The following SUPT6H variants were observed in gnomAD, a reference collection of about 807,000 sequenced individuals.
SUPT6H encodes transcription elongation factor SPT6.
Under a neutral mutation model 222.3 loss-of-function variants are expected in SUPT6H, and 11 were observed. That is an observed-to-expected ratio of 0.05 (90% CI 0.03 to 0.08). The LOEUF is 0.08. Ranked by LOEUF, SUPT6H falls within the 10% of genes least tolerant of loss-of-function variation. SUPT6H has a pLI of 1.00. For missense variants in SUPT6H, 1,422 were observed against 2,216.0 expected (o/e 0.64, Z 7.19); for synonymous variants, 762 against 801.2 (o/e 0.95, Z 0.83).
In SUPT6H at chr17:28,688,231, G is replaced by A. The variant is rs1287341651; in HGVS notation, c.3134+13G>A. Reference sequence around the variant, plus strand: ...CCCTGGGGGACAGGTGATGCCCTCTGCCTGGATGGGGCAGGAGGAATTCCC... The same window carrying A: ...CCCTGGGGGACAGGTGATGCCCTCTACCTGGATGGGGCAGGAGGAATTCCC... On this transcript the variant is annotated intron_variant, in intron 24 of 36. Coordinates refer to ENST00000314616, the MANE Select transcript of SUPT6H (RefSeq NM_003170.5). The surrounding 1 kb of genome is among the most constrained non-coding windows in gnomAD (Gnocchi z 4.3). The A allele has an allele frequency of 1.9e-6, 3 of 1,611,574 alleles. No homozygotes were observed. The highest frequency in any genetic ancestry group is 2.5e-6 in the Non-Finnish European group (3 of 1,178,930).
At chr17:28,687,602 G>C in intron 23 of SUPT6H, 131 bp downstream of exon 23, 1 of 1,063,534 alleles carries the variant, frequency 9.4e-7, no homozygotes, top group Non-Finnish European at 1.3e-6. Context: ...CTCAGCTAGT[G>C]AGAGTCAAAA....
intron 31 of SUPT6H, 68 bp from the exon 32 acceptor site, chr17:28,697,836 CAT>C (rs2031989297): frequency 2.5e-6 from 4 of 1,606,586 alleles, no homozygotes; most frequent in South Asian, 2.2e-5. Flanking sequence ...AAGTGTACAT[CAT>C]GTGTGCACCA....
At chr17:28,690,863 A>G (rs1170208454) in intron 26 of SUPT6H, 58 bp from the exon 27 acceptor site, 2 of 1,572,078 alleles carry the variant, frequency 1.3e-6, no homozygotes, top group East Asian at 4.5e-5. Context: ...AGGCTGGTGG[A>G]AAGAAGTGCT....
At chr17:28,697,118 C>G (rs916539184) in intron 30 of SUPT6H, 36 bp downstream of exon 30, 6 of 1,590,980 alleles carry the variant, frequency 3.8e-6, no homozygotes, top group Non-Finnish European at 5.2e-6. Flanking sequence ...CCATCCCACT[C>G]CTGCTTCCAG....
intron 35 of SUPT6H, 22 bp from the exon 36 acceptor site, chr17:28,700,919 T>G: frequency 3.1e-6 from 5 of 1,597,036 alleles, no homozygotes; most frequent in Non-Finnish European, 4.3e-6. Flanking sequence ...CCATCCCTAT[T>G]TAACTGTTCA....
chr17:28,682,028 G>C (rs2031137679), intron 13 of SUPT6H, 48 bp downstream of exon 13: 1 of 1,497,998 alleles, frequency 6.7e-7, no homozygotes, highest in African/African-American at 1.4e-5. Context: ...CTGAGCAAGG[G>C]GAGTTACCCA....
rs2030606013 is a variant in SUPT6H at position 28,674,310 on chromosome 17, A to G, written c.137A>G (p.Asp46Gly). ...GAGGAGGAGGAGGAGGAGAACCTAG[A>G]TGATCAGGATGAGCAAGGCAACTTG... ...DDEEEEEENL[D>G]DQDEQGNLKG... The change falls in exon 3 of 37, where the codon GAT becomes GGT. Residue 46 changes from aspartate (D) to glycine (G), a missense_variant. Physicochemically the swap from Asp to Gly is moderately conservative, Grantham distance 94. Transcript: ENST00000314616. 6 of 1,614,140 alleles carry G rather than the reference A, an allele frequency of 3.7e-6. No individual in the cohort carries two copies. The highest frequency in any genetic ancestry group is 4.2e-6 in the Non-Finnish European group (5 of 1,179,992).
chr17:28,682,731 C>T lies in SUPT6H; in HGVS notation c.1602C>T (p.Gly534=), dbSNP rs12051648. 0.53 allele frequency: 859,778 copies of T among 1,613,806 alleles called. 237,535 individuals are homozygous for T. The highest frequency in any genetic ancestry group is 0.57 in the Non-Finnish European group (668,138 of 1,179,840). ...YTICQSAGLD[G]LAKKFGLTPE... is the part of the protein sequence containing the mutation. ...TCACTCTTCTGTTTGCTTTAGATGGCCTGGCCAAAAAGTTTGGGCTTACTC... is the reference window on the plus strand; with the variant it reads ...TCACTCTTCTGTTTGCTTTAGATGGTCTGGCCAAAAAGTTTGGGCTTACTC... The change falls in exon 14 of 37, where the codon GGC becomes GGT. Residue 534 remains glycine, a synonymous_variant. Coordinates refer to ENST00000314616, the MANE Select transcript of SUPT6H (RefSeq NM_003170.5).
chr17:28,695,686 T>C lies in SUPT6H; in HGVS notation c.3970+139T>C, dbSNP rs184760944. 581 of 1,022,932 alleles carry C rather than the reference T, an allele frequency of 5.7e-4. 3 individuals are homozygous for C. In the African/African-American group the frequency reaches 8.6e-3, roughly 15 times the overall value. The allele number at this position is 1,022,932 out of a possible 1,614,324, so 63.4% of individuals were successfully genotyped here. ...GCTTTGAGGTGCTAAGGCCTGGAGA[T>C]GTCATGAAAAAGTCATAGGTAGGGC... On this transcript the variant is annotated intron_variant, in intron 29 of 36. Transcript: ENST00000314616.
chr17:28,678,489 G>A (rs904974347), intron 9 of SUPT6H, 56 bp from the exon 10 acceptor site: 3 of 1,532,990 alleles, frequency 2.0e-6, no homozygotes, highest in Non-Finnish European at 2.7e-6. Context: ...TACTGACAGA[G>A]GGGATCTTAG....
rs762555073 is a variant in SUPT6H at position 28,682,954 on chromosome 17, T to G, written c.1740T>G (p.Thr580=). 1 of 1,612,300 alleles carries G rather than the reference T, an allele frequency of 6.2e-7. No individual in the cohort carries two copies. The highest frequency in any genetic ancestry group is 8.5e-7 in the Non-Finnish European group (1 of 1,179,030). The change falls in exon 15 of 37, where the codon ACT becomes ACG. Residue 580 remains threonine (T), a synonymous_variant. Coordinates refer to ENST00000314616, the MANE Select transcript of SUPT6H (RefSeq NM_003170.5). ...ATTTTCCCCACAGCCAGTTCCCTAC[T>G]CCAGAAGCTGTGCTAGAAGGCGCCC... ...AKDYVCSQFP[T]PEAVLEGARY...
At position 28,702,364 on chromosome 17, in the gene SUPT6H, G is replaced by A. The variant is rs1189167970; in HGVS notation, c.*739G>A. On this transcript the variant is annotated 3_prime_UTR_variant, in exon 37 of 37. Transcript: ENST00000314616. ...AGAGGCAAAGATTCATAGACTAGAGGCAGCTTCTACATCAGACTGCCTGGG... is the reference window on the plus strand; with the variant it reads ...AGAGGCAAAGATTCATAGACTAGAGACAGCTTCTACATCAGACTGCCTGGG... 6.6e-6 allele frequency: 1 copy of A among 152,552 alleles called. No individual in the cohort carries two copies. Among genetic ancestry groups the A allele is most frequent in the Non-Finnish European group, 1.5e-5 (1 of 68,050 alleles). 9.4% of individuals were successfully genotyped at this position (152,552 alleles called of 1,614,324 possible). A position where few individuals can be genotyped will look rare whatever the true frequency, so the allele number is the denominator to read the frequency against.
chr17:28,692,282 C>G (rs1250458898), intron 27 of SUPT6H, among the ~76,000 whole-genome samples: 1 of 145,660 alleles, frequency 6.9e-6, no homozygotes, highest in South Asian at 2.3e-4. Flanking sequence ...CGAGATTGCA[C>G]CACTGTACTC....
chr17:28,697,527 C>T, intron 30 of SUPT6H, 93 bp from the exon 31 acceptor site: 1 of 970,954 alleles, frequency 1.0e-6, no homozygotes, highest in Non-Finnish European at 1.6e-6. Context: ...GACTGAGAAG[C>T]CCATCCCCTC....
intron 6 of SUPT6H, among the ~76,000 whole-genome samples, chr17:28,675,773 A>T (rs905877707): frequency 6.6e-6 from 1 of 152,142 alleles, no homozygotes; most frequent in African/African-American, 2.4e-5. Flanking sequence ...TTATATATAT[A>T]TTGACATTCT....
rs768686933 is a variant in SUPT6H at position 28,691,045 on chromosome 17, T to C, written c.3615T>C (p.Asn1205=). ...LWQCPFCQQD[N]FPELSEVWNH... is the part of the protein sequence containing the mutation. ...AGTGCCCCTTCTGTCAGCAGGACAATTTCCCTGAACTAAGCGAGGTGTGTG... is the reference window on the plus strand; with the variant it reads ...AGTGCCCCTTCTGTCAGCAGGACAACTTCCCTGAACTAAGCGAGGTGTGTG... Residue 1205 remains asparagine (N), a synonymous_variant, in exon 27 of 37, where the codon AAT becomes AAC. Coordinates refer to ENST00000314616, the MANE Select transcript of SUPT6H (RefSeq NM_003170.5). The C allele has an allele frequency of 1.2e-6, 2 of 1,613,852 alleles. No homozygotes were observed. Among genetic ancestry groups the C allele is most frequent in the Non-Finnish European group, 1.7e-6 (2 of 1,179,954 alleles).
intron 1 of SUPT6H, among the ~76,000 whole-genome samples, chr17:28,666,259 CAG>C (rs2030002635): frequency 6.6e-6 from 1 of 152,208 alleles, no homozygotes; most frequent in Non-Finnish European, 1.5e-5. Context: ...TTCTCTAAAT[CAG>C]GGGTCACAAA....
At chr17:28,664,924 T>G (rs1273086994) in intron 1 of SUPT6H, among the ~76,000 whole-genome samples, 1 of 152,202 alleles carries the variant, frequency 6.6e-6, no homozygotes, top group Non-Finnish European at 1.5e-5. Context: ...GTTTTTGTAA[T>G]CTGTCTTCTA....
At position 28,695,453 on chromosome 17, in the gene SUPT6H, G is replaced by A. The variant is rs572629381; in HGVS notation, c.3876G>A (p.Glu1292=). 3.7e-6 allele frequency: 6 copies of A among 1,614,168 alleles called. No individual in the cohort carries two copies. In the South Asian group the frequency reaches 5.5e-5, roughly 15 times the overall value. Residue 1292 remains glutamate (E), a synonymous_variant, in exon 29 of 37, where the codon GAG becomes GAA. Transcript: ENST00000314616. ...CAGACCTCATGGACAGGAACAATGA[G>A]TGGAAGCTGCCCAAAGACACCTACT... The part of the protein sequence containing the change: ...RTSDLMDRNN[E]WKLPKDTYYD...
Sources: allele counts gnomAD v4.1 joint callset (sites outside exome capture counted in the v4.1 genomes callset), GRCh38; gene constraint gnomAD v4.1.1; non-coding constraint Gnocchi (gnomAD v3.1); transcripts MANE v1.5; gene names NCBI Gene and HGNC (gene_info 2026-07-23, HGNC 2026-07-21).